The following RYR1 variants were observed in gnomAD, a reference collection of about 807,000 sequenced individuals.
The protein encoded by RYR1 is ryanodine receptor 1.
A neutral mutation model predicts 583.5 loss-of-function variants in RYR1; 342 were observed. The observed-to-expected ratio is 0.59, with a 90% CI of 0.54 to 0.64. The LOEUF (loss-of-function observed/expected upper bound fraction) is 0.64. Ranked by LOEUF, RYR1 falls within the 30% of genes least tolerant of loss-of-function variation. The pLI, the probability that RYR1 is intolerant of heterozygous loss-of-function variation, is 0.00. For synonymous variants in RYR1, 2,791 were observed against 2,822.5 expected (o/e 0.99, Z 0.35); for missense variants, 6,032 against 6,917.2 (o/e 0.87, Z 4.54).
intron 20 of RYR1, among the ~76,000 whole-genome samples, chr19:38,463,141 G>A (rs1600700151): frequency 4.3e-4 from 14 of 32,910 alleles, no homozygotes; most frequent in East Asian, 7.9e-4. Context: ...CAGGCGATCT[G>A]CCCCCCCCCC....
intron 23 of RYR1, among the ~76,000 whole-genome samples, chr19:38,465,313 A>G (rs1009290975): frequency 6.6e-6 from 1 of 151,780 alleles, no homozygotes; most frequent in African/African-American, 2.4e-5. Flanking sequence ...AAAAATTTAA[A>G]AATTAGCAGG....
Position 38,507,774 on chromosome 19 carries a change from T to TGCA in RYR1, c.8885_8887dup (p.Gln2962dup). On this transcript the variant is annotated inframe_insertion, in exon 58 of 106. Coordinates refer to ENST00000359596, the MANE Select transcript of RYR1 (RefSeq NM_000540.3). ...GAAAAGCGGTTTGCCTTTGGCTTCC[T>TGCA]GCAGCAGCTGCTGCGCTGGATGGAC... 1 of 1,613,978 alleles carries TGCA rather than the reference T, an allele frequency of 6.2e-7. No homozygotes were observed. Among genetic ancestry groups the TGCA allele is most frequent in the Non-Finnish European group, 8.5e-7 (1 of 1,179,854 alleles).
intron 76 of RYR1, 30 bp downstream of exon 76, chr19:38,529,087 G>A: frequency 6.2e-7 from 1 of 1,610,100 alleles, no homozygotes; most frequent in Non-Finnish European, 8.5e-7. Flanking sequence ...CCCCAGAAAT[G>A]CCCCCAAGGT....
rs1600898264 is a variant in RYR1, at chr19:38,519,337, T to C, written c.10142T>C (p.Leu3381Pro). The change falls in exon 67 of 106, where the codon CTG becomes CCG. Residue 3381 changes from leucine (L) to proline (P), a missense_variant. This residue lies in a region of RYR1 where 1,493 missense variants were observed against 1,715.5 expected (regional missense o/e 0.87). Coordinates refer to ENST00000359596, the MANE Select transcript of RYR1 (RefSeq NM_000540.3). ...GTGTCCGAGGAGGAGCAGCTGCGCC[T>C]GGAGGCCAAGGCGGAGGCCCAGGAG... ...KVVSEEEQLR[L>P]EAKAEAQEGE... The C allele has an allele frequency of 6.2e-7, 1 of 1,613,340 alleles. No individual in the cohort carries two copies. The highest frequency in any genetic ancestry group is 1.3e-5 in the African/African-American group (1 of 75,038).
chr19:38,497,164 C>A (rs911275128), intron 42 of RYR1, among the ~76,000 whole-genome samples: 1 of 151,890 alleles, frequency 6.6e-6, no homozygotes, highest in Non-Finnish European at 1.5e-5. Flanking sequence ...GTCCGCACTC[C>A]ACGCTTCCCG....
intron 72 of RYR1, 46 bp downstream of exon 72, chr19:38,527,098 A>C: frequency 6.3e-7 from 1 of 1,594,904 alleles, no homozygotes; most frequent in Non-Finnish European, 8.6e-7. Flanking sequence ...TCAGAAAGTA[A>C]CCACAATATT....
In RYR1 at chr19:38,463,498, C is replaced by A; in HGVS notation, c.2653C>A (p.Arg885Ser). The change falls in exon 21 of 106, where the codon CGC (arginine) becomes AGC (serine). Residue 885 changes from arginine to serine, a missense_variant. Arg to Ser is a moderately radical substitution (Grantham distance 110, BLOSUM62 -1). Transcript: ENST00000359596. ...ENIHELWALT[R>S]IEQGWTYGPV... ...CATCCACGAGCTCTGGGCGCTAACC[C>A]GCATCGAGCAGGGCTGGACCTACGG... 1 of 1,613,188 alleles carries A rather than the reference C, an allele frequency of 6.2e-7. No individual in the cohort carries two copies. Among genetic ancestry groups the A allele is most frequent in the Non-Finnish European group, 8.5e-7 (1 of 1,179,980 alleles).
chr19:38,523,157 C>T (rs1260809661), intron 68 of RYR1, 42 bp downstream of exon 68: 2 of 1,613,632 alleles, frequency 1.2e-6, no homozygotes, highest in East Asian at 2.2e-5. Flanking sequence ...ACCAGAGGAG[C>T]CGCAGCCCAC....
At position 38,460,515 on chromosome 19, in the gene RYR1, G is replaced by A. The variant is rs1314923827; in HGVS notation, c.2501G>A (p.Arg834Gln). ...PIKEYRREGP[R>Q]GPHLVGPSRC... ...AAGGAGTATCGACGGGAGGGGCCCC[G>A]GGGGCCTCACCTGGTGGGCCCCAGT... Residue 834 changes from arginine to glutamine, a missense_variant, in exon 20 of 106, where the codon CGG (arginine) becomes CAG (glutamine). This residue lies in a region of RYR1 where 2,627 missense variants were observed against 2,961.3 expected (regional missense o/e 0.89). Transcript: ENST00000359596. The A allele has an allele frequency of 7.4e-6, 12 of 1,613,888 alleles. No homozygotes were observed. Among genetic ancestry groups the A allele is most frequent in the East Asian group, 6.7e-5 (3 of 44,886 alleles).
chr19:38,506,869 C>T lies in RYR1; in HGVS notation c.8733C>T (p.Leu2911=), dbSNP rs200427576. 5 of 1,614,008 alleles carry T rather than the reference C, an allele frequency of 3.1e-6. No individual in the cohort carries two copies. The highest frequency in any genetic ancestry group is 1.3e-5 in the African/African-American group (1 of 75,030). ...CCCTGCTGGTCCCCTACGACACGCT[C>T]ACGGCCAAGGAGAAGGCACGAGATC... ...THPLLVPYDT[L]TAKEKARDRE... The change falls in exon 57 of 106, where the codon CTC becomes CTT. Residue 2911 remains leucine, a synonymous_variant. Transcript: ENST00000359596.
Position 38,444,666 on chromosome 19 carries a change from G to T in RYR1, c.620G>T (p.Arg207Leu), listed in dbSNP as rs772216620. Reference protein sequence around the residue: ...TLWNMNPICSRCEEGFVTGGH... With the variant: ...TLWNMNPICSLCEEGFVTGGH... ...TGGAACATGAACCCCATCTGCTCCC[G>T]CTGCGAAGAGGGTGAGGGCCCCAGA... Residue 207 changes from arginine (R) to leucine (L), a missense_variant, in exon 7 of 106, where the codon CGC becomes CTC. By Grantham distance (102) the Arg-to-Leu change is moderately radical. Around this residue, in one of 11 missense-constraint regions of RYR1, gnomAD observed 338 missense variants for 441.6 expected, o/e 0.77. Transcript: ENST00000359596. This position sits in a 1 kb window ranked among gnomAD's most constrained non-coding sequence, Gnocchi z 5.1. 2.5e-6 allele frequency: 4 copies of T among 1,613,070 alleles called. 1 individual carries two copies. The South Asian group carries it at 3.3e-5, about 13-fold the overall frequency.
rs201375572 is a variant in RYR1, at chr19:38,500,858, C to T, written c.7482C>T (p.Phe2494=). The change falls in exon 47 of 106, where the codon TTC becomes TTT. Residue 2494 remains phenylalanine, a synonymous_variant. Transcript: ENST00000359596. This position sits in a 1 kb window ranked among gnomAD's most constrained non-coding sequence, Gnocchi z 5.9. ...ALVQPKMSAS[F]VPDHKASMVL... ...TGCAGCCAAAGATGTCAGCATCCTT[C>T]GTGCCGGACCACAAGGCGTCCATGG... is the stretch of plus-strand genomic sequence containing the variant. 16 of 1,600,572 alleles carry T rather than the reference C, an allele frequency of 1.0e-5. No homozygotes were observed. Among genetic ancestry groups the T allele is most frequent in the East Asian group, 2.3e-5 (1 of 44,138 alleles).
Position 38,444,381 on chromosome 19 carries a change from CATTTCCT to C in RYR1, c.537+121_537+127del. 1 of 916,240 alleles carries C rather than the reference CATTTCCT, an allele frequency of 1.1e-6. No homozygotes were observed. 56.8% of individuals were successfully genotyped at this position (916,240 alleles called of 1,614,324 possible). On this transcript the variant is annotated intron_variant, in intron 6 of 105. Coordinates refer to ENST00000359596, the MANE Select transcript of RYR1 (RefSeq NM_000540.3). This position sits in a 1 kb window ranked among gnomAD's most constrained non-coding sequence, Gnocchi z 5.1. ...CCCAAGGTCCTGACTCCCAATTTCC[CATTTCCT>C]GACCCCTGACATCCAATTTTCTGAT...
chr19:38,565,466 G>A lies in RYR1; in HGVS notation c.13132G>A (p.Glu4378Lys), dbSNP rs1277191700. The A allele has an allele frequency of 2.0e-6, 3 of 1,502,568 alleles. No homozygotes were observed. Among genetic ancestry groups the A allele is most frequent in the Non-Finnish European group, 1.8e-6 (2 of 1,133,262 alleles). 93.1% of individuals were successfully genotyped at this position (1,502,568 alleles called of 1,614,324 possible). A position where few individuals can be genotyped will look rare whatever the true frequency, so the allele number is the denominator to read the frequency against. The change falls in exon 91 of 106, where the codon GAG (glutamate) becomes AAG (lysine). Residue 4378 changes from glutamate to lysine, a missense_variant. Transcript: ENST00000359596. This position sits in a 1 kb window ranked among gnomAD's most constrained non-coding sequence, Gnocchi z 4.7. ...VEGAKKVTVT[E>K]LLAGMPDPTS... ...GGGCGCCAAGAAGGTGACGGTGACCGAGCTCCTGGCAGGCATGCCCGACCC... is the reference window on the plus strand; with the variant it reads ...GGGCGCCAAGAAGGTGACGGTGACCAAGCTCCTGGCAGGCATGCCCGACCC...
chr19:38,579,928 T>G (rs1228344254), intron 99 of RYR1, 54 bp from the exon 100 acceptor site: 1 of 1,612,332 alleles, frequency 6.2e-7, no homozygotes, highest in Non-Finnish European at 8.5e-7. Context: ...CCCTCCAGAG[T>G]GCTCCTCGTG....
intron 102 of RYR1, 50 bp downstream of exon 102, chr19:38,585,149 G>A (rs757290224): frequency 6.3e-7 from 1 of 1,596,550 alleles, no homozygotes; most frequent in East Asian, 2.3e-5. Context: ...CTAGCTCCAT[G>A]GCTAAGAATG....
intron 16 of RYR1, among the ~76,000 whole-genome samples, chr19:38,456,943 G>A (rs367789440): frequency 8.4e-4 from 125 of 149,358 alleles, no homozygotes; most frequent in African/African-American, 2.4e-3. Flanking sequence ...CTACTCGGGA[G>A]GCTGAGGCAG....
chr19:38,567,016 G>T (rs1162402348), intron 92 of RYR1, 29 bp downstream of exon 92: 5 of 1,562,194 alleles, frequency 3.2e-6, no homozygotes, highest in Non-Finnish European at 4.3e-6. Context: ...GAGGGGCCTA[G>T]CCCCTATCAC....
Position 38,512,358 on chromosome 19 carries a change from C to T in RYR1, c.9347C>T (p.Ser3116Leu), listed in dbSNP as rs200238436. ...GAGAACCTGCGGCTGGGCAAGGTGT[C>T]GCAGGCGCGCACCCAGGTGAAAGGC... ...MVENLRLGKVSQARTQVKGVG... is the reference protein window; with the variant it reads ...MVENLRLGKVLQARTQVKGVG... Residue 3116 changes from serine (S) to leucine (L), a missense_variant, in exon 63 of 106, where the codon TCG becomes TTG. By Grantham distance (145) the Ser-to-Leu change is moderately radical (BLOSUM62 -2). Transcript: ENST00000359596. The surrounding 1 kb of genome is among the most constrained non-coding windows in gnomAD (Gnocchi z 5.1). 2.7e-5 allele frequency: 43 copies of T among 1,614,124 alleles called. No individual in the cohort carries two copies. Among genetic ancestry groups the T allele is most frequent in the Admixed American group, 1.2e-4 (7 of 60,032 alleles).
Sources: allele counts gnomAD v4.1 joint callset (sites outside exome capture counted in the v4.1 genomes callset), GRCh38; gene constraint gnomAD v4.1.1; regional missense constraint gnomAD v4.1.1; non-coding constraint Gnocchi (gnomAD v3.1); transcripts MANE v1.5; gene names NCBI Gene and HGNC (gene_info 2026-07-23, HGNC 2026-07-21).